The following SIRPA variants were observed in gnomAD, a reference collection of about 807,000 sequenced individuals.
SIRPA encodes tyrosine-protein phosphatase non-receptor type substrate 1.
SIRPA carries 9 observed loss-of-function variants against 50.3 expected under a neutral mutation model. That is an observed-to-expected ratio of 0.18 (90% CI 0.11 to 0.31). The LOEUF (loss-of-function observed/expected upper bound fraction) is 0.31. SIRPA is among the 10% of genes least tolerant of loss of function. SIRPA has a pLI of 1.00. For synonymous variants in SIRPA, 265 were observed against 284.1 expected, an observed-to-expected ratio of 0.93 and a Z score of 0.68; for missense variants, 474 against 661.6, an observed-to-expected ratio of 0.72 and a Z score of 3.11.
Position 1,924,513 on chromosome 20 carries a change from C to T in SIRPA, c.1088-251C>T, listed in dbSNP as rs1009853060. Among the ~76,000 whole-genome samples the T allele has an allele frequency of 6.6e-6, 1 of 152,178 alleles. No individual in the cohort carries two copies. Among genetic ancestry groups the T allele is most frequent in the East Asian group, 1.9e-4 (1 of 5,190 alleles). On this transcript the variant is annotated intron_variant, in intron 4 of 7. Coordinates refer to ENST00000358771, the MANE Select transcript of SIRPA (RefSeq NM_001040023.2). This position sits in a 1 kb window ranked among gnomAD's most constrained non-coding sequence, Gnocchi z 4.5. ...CTGCCTGTATCCTGCAGCAGGGGTT[C>T]CTCCGTAGCTGTCAGCTACAAATAT...
At chr20:1,926,947 C>G (rs373594325) in intron 5 of SIRPA, among the ~76,000 whole-genome samples, 12 of 152,244 alleles carry the variant, frequency 7.9e-5, no homozygotes, top group East Asian at 5.8e-4. Context: ...GTCACCTAGT[C>G]TCTCTGGTGT....
intron 2 of SIRPA, 54 bp from the exon 3 acceptor site, chr20:1,921,341 G>A (rs34148012): frequency 0.024 from 38,826 of 1,609,086 alleles, 549 homozygotes; most frequent in Middle Eastern, 0.055. Flanking sequence ...CACACTTATC[G>A]TTAGTGATTG....
Position 1,921,675 on chromosome 20 carries a change from T to A in SIRPA, c.717T>A (p.Pro239=), listed in dbSNP as rs768135837. The A allele has an allele frequency of 2.5e-6, 4 of 1,614,140 alleles. No individual in the cohort carries two copies. In the South Asian group the frequency reaches 4.4e-5, roughly 18 times the overall value. The change falls in exon 3 of 8, where the codon CCT becomes CCA. Residue 239 remains proline, a synonymous_variant. Transcript: ENST00000358771. The stretch of plus-strand genomic sequence containing the variant: ...CCCACGTCACCTTGCAGGGGGACCC[T>A]CTTCGTGGGACTGCCAACTTGTCTG... ...EVAHVTLQGD[P]LRGTANLSET... is the part of the protein sequence containing the mutation.
Position 1,937,208 on chromosome 20 carries a change from G to C in SIRPA, c.1267-112G>C. 1 of 1,303,786 alleles carries C rather than the reference G, an allele frequency of 7.7e-7. No individual in the cohort carries two copies. Among genetic ancestry groups the C allele is most frequent in the Admixed American group, 2.1e-5 (1 of 48,132 alleles). The allele number at this position is 1,303,786 out of a possible 1,614,324, so 80.8% of individuals were successfully genotyped here. On this transcript the variant is annotated intron_variant, in intron 7 of 7. Transcript: ENST00000358771. The surrounding 1 kb of genome is among the most constrained non-coding windows in gnomAD (Gnocchi z 8.3). ...GAACATGACTTATGGCTGAGCCAGT[G>C]TGGGCCGAGAGGACACAGAAGCATC...
chr20:1,895,910 C>T (rs1197429625), intron 1 of SIRPA, among the ~76,000 whole-genome samples: 2 of 152,226 alleles, frequency 1.3e-5, no homozygotes, highest in Non-Finnish European at 1.5e-5. Flanking sequence ...GGACATACGA[C>T]TTTCCACATG....
chr20:1,896,695 A>G (rs1983846586), intron 1 of SIRPA, among the ~76,000 whole-genome samples: 1 of 151,890 alleles, frequency 6.6e-6, no homozygotes, highest in African/African-American at 2.4e-5. Flanking sequence ...GTGGAAGGAG[A>G]AGTATGGGGG....
Position 1,940,389 on chromosome 20 carries a change from CCCT to C in SIRPA, c.*2828_*2830del, listed in dbSNP as rs1600475140. ...GATGGGATCTCGGACACCCGGCTCA[CCCT>C]CCTCCTGGGGCCTCACTTTCCTTCC... On this transcript the variant is annotated 3_prime_UTR_variant, in exon 8 of 8. Transcript: ENST00000358771. The C allele has an allele frequency of 1.3e-5, 2 of 152,294 alleles. No homozygotes were observed. Among genetic ancestry groups the C allele is most frequent in the African/African-American group, 2.4e-5 (1 of 41,422 alleles). 9.4% of individuals were successfully genotyped at this position (152,294 alleles called of 1,614,324 possible). A position where few individuals can be genotyped will look rare whatever the true frequency, so the allele number is the denominator to read the frequency against.
Position 1,937,462 on chromosome 20 carries a change from A to G in SIRPA, c.1409A>G (p.Tyr470Cys), listed in dbSNP as rs763022327. The change falls in exon 8 of 8, where the codon TAT (tyrosine) becomes TGT (cysteine). Residue 470 changes from tyrosine (Y) to cysteine (C), a missense_variant. Physicochemically the swap from Tyr to Cys is radical, Grantham distance 194. Transcript: ENST00000358771. This position sits in a 1 kb window ranked among gnomAD's most constrained non-coding sequence, Gnocchi z 8.3. ...PQPASEDTLT[Y>C]ADLDMVHLNR... The stretch of plus-strand genomic sequence containing the variant: ...CCCGCGTCGGAGGACACCCTCACCT[A>G]TGCTGACCTGGACATGGTCCACCTC... The G allele has an allele frequency of 4.3e-6, 7 of 1,614,084 alleles. No individual in the cohort carries two copies. Among genetic ancestry groups the G allele is most frequent in the Admixed American group, 3.3e-5 (2 of 60,014 alleles).
chr20:1,904,716 C>T (rs1370316996), intron 1 of SIRPA, among the ~76,000 whole-genome samples: 5 of 152,176 alleles, frequency 3.3e-5, no homozygotes, highest in Non-Finnish European at 5.9e-5. Context: ...AGCGGGGAGA[C>T]CTGGAACCCA....
At chr20:1,919,497 A>G (rs999555100) in intron 2 of SIRPA, among the ~76,000 whole-genome samples, 2 of 152,170 alleles carry the variant, frequency 1.3e-5, no homozygotes, top group African/African-American at 4.8e-5. Flanking sequence ...ACCCCCTCTT[A>G]TGATACAGGC....
chr20:1,913,041 C>G (rs1984997225), intron 1 of SIRPA, among the ~76,000 whole-genome samples: 1 of 152,218 alleles, frequency 6.6e-6, no homozygotes, highest in African/African-American at 2.4e-5. Flanking sequence ...ACTGTGGGTT[C>G]TGTTTTTTTC....
chr20:1,901,656 C>A (rs1354048864), intron 1 of SIRPA, among the ~76,000 whole-genome samples: 2 of 152,156 alleles, frequency 1.3e-5, no homozygotes, highest in Non-Finnish European at 2.9e-5. Flanking sequence ...TGGATTTTCC[C>A]TGCCAGGTGT....
chr20:1,922,198 C>A, intron 3 of SIRPA, 115 bp from the exon 4 acceptor site: 6 of 1,312,758 alleles, frequency 4.6e-6, no homozygotes, highest in Non-Finnish European at 6.4e-6. Flanking sequence ...CACCTGATGC[C>A]TGCCTAGCTC....
chr20:1,918,097 C>T (rs562244000), intron 2 of SIRPA, among the ~76,000 whole-genome samples: 116 of 152,278 alleles, frequency 7.6e-4, no homozygotes, highest in African/African-American at 2.7e-3. Flanking sequence ...TGGTGATAAT[C>T]AGGGACTCCT....
At position 1,930,418 on chromosome 20, in the gene SIRPA, T is replaced by G. The variant is rs575273203; in HGVS notation, c.1226+2519T>G. Reference sequence around the variant, plus strand: ...AATGGGATAGGTGCTTAGTAAAGGTTTACTGACTGAACAAGTGAACAAACG... The same window carrying G: ...AATGGGATAGGTGCTTAGTAAAGGTGTACTGACTGAACAAGTGAACAAACG... On this transcript the variant is annotated intron_variant, in intron 6 of 7. Transcript: ENST00000358771. 3.9e-5 allele frequency among the ~76,000 whole-genome samples: 6 copies of G among 152,258 alleles called. No individual in the cohort carries two copies. In the South Asian group the frequency reaches 6.2e-4, roughly 16 times the overall value.
In SIRPA at chr20:1,898,067, C is replaced by A. The variant is rs1374708259; in HGVS notation, c.79+2541C>A. ...GAGACCTCTGAGTCACCCCCCAGGC[C>A]GACCTCAGATAAACTCCCATTCATT... On this transcript the variant is annotated intron_variant, in intron 1 of 7. Transcript: ENST00000358771. This position sits in a 1 kb window ranked among gnomAD's most constrained non-coding sequence, Gnocchi z 4.3. Among the ~76,000 whole-genome samples the A allele has an allele frequency of 6.6e-6, 1 of 152,202 alleles. No homozygotes were observed. Among genetic ancestry groups the A allele is most frequent in the Admixed American group, 6.5e-5 (1 of 15,288 alleles).
At chr20:1,896,353 C>CTACT (rs1007023614) in intron 1 of SIRPA, among the ~76,000 whole-genome samples, 1 of 150,760 alleles carries the variant, frequency 6.6e-6, no homozygotes, top group African/African-American at 2.4e-5. Context: ...GCTCTGAAGG[C>CTACT]TACTGTGCAT....
rs992406773 is a variant in SIRPA at position 1,935,716 on chromosome 20, C to T, written c.1266+962C>T. On this transcript the variant is annotated intron_variant, in intron 7 of 7. Coordinates refer to ENST00000358771, the MANE Select transcript of SIRPA (RefSeq NM_001040023.2). ...GAAGAATGGGTCATGGAAACCTCTA[C>T]GAAATTCACAGCAGAGACTTACTGG... Among the ~76,000 whole-genome samples the T allele has an allele frequency of 3.9e-5, 6 of 152,240 alleles. No individual in the cohort carries two copies. In the South Asian group the frequency reaches 6.2e-4, roughly 16 times the overall value.
chr20:1,900,767 C>A (rs1485169667), intron 1 of SIRPA, among the ~76,000 whole-genome samples: 1 of 152,228 alleles, frequency 6.6e-6, no homozygotes, highest in African/African-American at 2.4e-5. Context: ...AGAAATCTGA[C>A]AGGATCCCGA....
Sources: gnomAD v4.1 joint callset for allele counts (sites outside exome capture counted in the v4.1 genomes callset) on GRCh38, gnomAD v4.1.1 for gene constraint, Gnocchi (gnomAD v3.1) non-coding constraint, MANE v1.5 for transcripts, NCBI Gene and HGNC (gene_info 2026-07-23, HGNC 2026-07-21) for gene names.